TMEM26: variants seen among roughly 807,000 people sequenced by gnomAD.
The protein encoded by TMEM26 is transmembrane protein 26.
A neutral mutation model predicts 28.8 loss-of-function variants in TMEM26; 38 were observed. The ratio of observed to expected loss-of-function variants is 1.32; its 90% CI spans 1.02 to 1.73. TMEM26 has a LOEUF of 1.73. Among genes scored for constraint, TMEM26 ranks in the 40% most tolerant of loss-of-function variants. TMEM26 has a pLI of 0.00. For missense variants in TMEM26, 518 were observed against 447.1 expected (o/e 1.16, Z -1.43); for synonymous variants, 227 against 182.9 (o/e 1.24, Z -1.95).
chr10:61,448,619 G>GTT (rs199499296), intron 1 of TMEM26, among the ~76,000 whole-genome samples: 6 of 126,592 alleles, frequency 4.7e-5, no homozygotes, highest in Non-Finnish European at 6.9e-5. Context: ...CTGTTTTTTT[G>GTT]TTTTTTTTTT....
intron 4 of TMEM26, among the ~76,000 whole-genome samples, chr10:61,417,634 T>A (rs1332963427): frequency 1.3e-5 from 2 of 151,936 alleles, no homozygotes; most frequent in Admixed American, 1.3e-4. Flanking sequence ...AATGTAAACA[T>A]AAGAAGAGTC....
Position 61,453,288 on chromosome 10 carries a change from G to A in TMEM26, c.-207C>T. 6 of 584,338 alleles carry A rather than the reference G, an allele frequency of 1.0e-5. No individual in the cohort carries two copies. The South Asian group carries it at 1.3e-4, about 12-fold the overall frequency. The allele number at this position is 584,338 out of a possible 1,614,324, so 36.2% of individuals were successfully genotyped here. On this transcript the variant is annotated 5_prime_UTR_variant, in exon 1 of 6. Transcript: ENST00000399298. ...AACTTCCTGAGAACTCTTCAAAGAG[G>A]GGTGAGTCCAAACCCAGCTTTTCCA...
intron 4 of TMEM26, chr10:61,416,055 C>G: frequency 2.2e-6 from 1 of 449,856 alleles, no homozygotes; most frequent in Non-Finnish European, 4.5e-6. Context: ...AATAATATTA[C>G]CTCAAAATAG....
intron 1 of TMEM26, among the ~76,000 whole-genome samples, chr10:61,446,510 G>A (rs1589045816): frequency 6.6e-6 from 1 of 152,100 alleles, no homozygotes; most frequent in Non-Finnish European, 1.5e-5. Context: ...GTGTGCAATA[G>A]TATTATGTCT....
At chr10:61,444,407 A>G (rs1269463563) in intron 1 of TMEM26, among the ~76,000 whole-genome samples, 1 of 152,204 alleles carries the variant, frequency 6.6e-6, no homozygotes, top group Non-Finnish European at 1.5e-5. Flanking sequence ...CTAAATAAAG[A>G]TGATAGTACT....
In TMEM26 at chr10:61,429,055, C is replaced by T. The variant is rs1201498049; in HGVS notation, c.476G>A (p.Gly159Glu). Residue 159 changes from glycine to glutamate, a missense_variant, in exon 4 of 6, where the codon GGA (glycine) becomes GAA (glutamate). Coordinates refer to ENST00000399298, the MANE Select transcript of TMEM26 (RefSeq NM_178505.8). ...HQTFLLMLII[G>E]RWLLPIGGGI... is the part of the protein sequence containing the mutation. ...GCCTCCAATGGGTAGAAGCCATCTT[C>T]CAATTATTAGCATTAACAGGAATGT... 1 of 1,613,352 alleles carries T rather than the reference C, an allele frequency of 6.2e-7. No homozygotes were observed. The highest frequency in any genetic ancestry group is 1.3e-5 in the African/African-American group (1 of 74,946).
At chr10:61,452,856 C>T (rs376548104) in intron 1 of TMEM26, 35 bp downstream of exon 1, 2 of 1,600,518 alleles carry the variant, frequency 1.2e-6, no homozygotes, top group Non-Finnish European at 1.7e-6. Flanking sequence ...TACCCTAGGG[C>T]CCCGTGCGCC....
At chr10:61,434,894 A>G (rs1296820594) in intron 2 of TMEM26, among the ~76,000 whole-genome samples, 2 of 152,210 alleles carry the variant, frequency 1.3e-5, no homozygotes, top group Non-Finnish European at 1.5e-5. Context: ...TAACAAAGAA[A>G]TCTATGTAAG....
intron 4 of TMEM26, among the ~76,000 whole-genome samples, chr10:61,418,557 T>A (rs1915432): frequency 6.6e-6 from 1 of 152,102 alleles, no homozygotes; most frequent in Non-Finnish European, 1.5e-5. Flanking sequence ...CTAAGTTGAT[T>A]CAAGTTTTGG....
At position 61,431,285 on chromosome 10, in the gene TMEM26, T is replaced by G. The variant is rs1311070157; in HGVS notation, c.318A>C (p.Lys106Asn). ...ATGTCAATGTTTGATTGAAGTCTTC[T>G]TTTCTGCTGGTATTCTGTGATGTTC... ...AEGTSQNTSR[K>N]EDFNQTLTSN... The change falls in exon 3 of 6, where the codon AAA becomes AAC. Residue 106 changes from lysine to asparagine, a missense_variant. Coordinates refer to ENST00000399298, the MANE Select transcript of TMEM26 (RefSeq NM_178505.8). The G allele has an allele frequency of 1.2e-6, 2 of 1,613,160 alleles. No individual in the cohort carries two copies. Among genetic ancestry groups the G allele is most frequent in the Non-Finnish European group, 1.7e-6 (2 of 1,179,406 alleles).
chr10:61,436,359 T>A (rs1041024135), intron 1 of TMEM26, 111 bp from the exon 2 acceptor site: 191 of 583,698 alleles, frequency 3.3e-4, no homozygotes, highest in Non-Finnish European at 5.3e-4. Flanking sequence ...CCACATTGAG[T>A]CAAACCTTTT....
intron 3 of TMEM26, 76 bp downstream of exon 3, chr10:61,431,143 G>T: frequency 8.7e-7 from 1 of 1,145,392 alleles, no homozygotes; most frequent in Non-Finnish European, 1.3e-6. Context: ...TGGGAAGCAT[G>T]TATAGCAGGT....
chr10:61,411,314 C>T (rs1839565866), intron 5 of TMEM26, among the ~76,000 whole-genome samples: 1 of 152,134 alleles, frequency 6.6e-6, no homozygotes, highest in Non-Finnish European at 1.5e-5. Flanking sequence ...ATTTTGTTTC[C>T]ATTAGAATAA....
intron 2 of TMEM26, among the ~76,000 whole-genome samples, chr10:61,435,560 C>T (rs1282228410): frequency 6.6e-6 from 1 of 152,168 alleles, no homozygotes; most frequent in African/African-American, 2.4e-5. Flanking sequence ...TCCCACGACT[C>T]CTCCCCTTTA....
At chr10:61,450,467 T>G (rs967291100) in intron 1 of TMEM26, among the ~76,000 whole-genome samples, 4 of 152,182 alleles carry the variant, frequency 2.6e-5, no homozygotes, top group Non-Finnish European at 4.4e-5. Flanking sequence ...GATTTTTTAT[T>G]CTCACATTTA....
intron 1 of TMEM26, among the ~76,000 whole-genome samples, chr10:61,439,038 T>G (rs571125153): frequency 6.6e-6 from 1 of 152,330 alleles, no homozygotes; most frequent in South Asian, 2.1e-4. Flanking sequence ...AAGAACAAAG[T>G]GCTCTCTGCT....
chr10:61,428,915 G>A lies in TMEM26; in HGVS notation c.605+11C>T, dbSNP rs1156320857. On this transcript the variant is annotated intron_variant, in intron 4 of 5. Transcript: ENST00000399298. ...TGAAAACAAGGTGTTTTTGCTGCAA[G>A]GAATGCTCACCTCACATTTTGTTCT... 1 of 1,611,526 alleles carries A rather than the reference G, an allele frequency of 6.2e-7. No homozygotes were observed. Among genetic ancestry groups the A allele is most frequent in the Non-Finnish European group, 8.5e-7 (1 of 1,178,270 alleles).
In TMEM26 at chr10:61,408,147, C is replaced by T. The variant is rs1839518918; in HGVS notation, c.*2175G>A. On this transcript the variant is annotated 3_prime_UTR_variant, in exon 6 of 6. Transcript: ENST00000399298. ...TGGCAGCTAGGTTAACAAATGCTGC[C>T]CCAAGCAGATTTTCCTGGAAAACCT... 1 of 151,978 alleles carries T rather than the reference C, an allele frequency of 6.6e-6. No homozygotes were observed. Among genetic ancestry groups the T allele is most frequent in the African/African-American group, 2.4e-5 (1 of 41,360 alleles). The allele number at this position is 151,978 out of a possible 1,614,324, so 9.4% of individuals were successfully genotyped here. A position where few individuals can be genotyped will look rare whatever the true frequency, so the allele number is the denominator to read the frequency against.
At chr10:61,441,541 A>G (rs1300976014) in intron 1 of TMEM26, among the ~76,000 whole-genome samples, 1 of 152,168 alleles carries the variant, frequency 6.6e-6, no homozygotes, top group East Asian at 1.9e-4. Context: ...TCTTGATGGC[A>G]TTAGGAGTAA....
Sources: allele counts gnomAD v4.1 joint callset (sites outside exome capture counted in the v4.1 genomes callset), GRCh38; gene constraint gnomAD v4.1.1; transcripts MANE v1.5; gene names NCBI Gene and HGNC (gene_info 2026-07-23, HGNC 2026-07-21).